The following B3GALNT1 variants were observed in gnomAD, a reference collection of about 807,000 sequenced individuals.
The protein encoded by B3GALNT1 is beta-1,3-N-acetylgalactosaminyltransferase 1 (Globoside blood group).
B3GALNT1 carries 17 observed loss-of-function variants against 27.3 expected under a neutral mutation model. The observed-to-expected ratio is 0.62, with a 90% CI of 0.43 to 0.94. B3GALNT1 has a LOEUF of 0.94. B3GALNT1 is among the 40% of genes least tolerant of loss of function. The pLI is 0.00. For synonymous variants in B3GALNT1, 141 were observed against 144.0 expected (o/e 0.98, Z 0.15); for missense variants, 347 against 390.0 (o/e 0.89, Z 0.93).
At chr3:161,093,958 G>C (rs1054786195) in intron 4 of B3GALNT1, among the ~76,000 whole-genome samples, 1 of 152,210 alleles carries the variant, frequency 6.6e-6, no homozygotes, top group Non-Finnish European at 1.5e-5. Context: ...AATGCTGGGT[G>C]AACAGCAAGC....
At chr3:161,096,104 C>A (rs1281270066) in intron 4 of B3GALNT1, among the ~76,000 whole-genome samples, 1 of 152,204 alleles carries the variant, frequency 6.6e-6, no homozygotes, top group Non-Finnish European at 1.5e-5. Flanking sequence ...TGCTATATGT[C>A]CAGTGTCTAA....
At chr3:161,102,179 T>C (rs1487154885) in intron 3 of B3GALNT1, among the ~76,000 whole-genome samples, 1 of 151,846 alleles carries the variant, frequency 6.6e-6, no homozygotes, top group Non-Finnish European at 1.5e-5. Context: ...AAACAAACTC[T>C]GGAAACAAAA....
intron 4 of B3GALNT1, among the ~76,000 whole-genome samples, chr3:161,092,757 A>ATTTT (rs1725875868): frequency 9.0e-6 from 1 of 111,438 alleles, no homozygotes; most frequent in African/African-American, 3.5e-5. Flanking sequence ...CAAAAGTTTC[A>ATTTT]TTTTTCTTTT....
chr3:161,084,949 C>A lies in B3GALNT1; in HGVS notation c.*810G>T, dbSNP rs1021862376. ...ACAAATTAAGTGACTTCTAAAAACA[C>A]TAGGAACTGTATTTTTTAAAAACAA... is the stretch of plus-strand genomic sequence containing the variant. On this transcript the variant is annotated 3_prime_UTR_variant, in exon 5 of 5. Coordinates refer to ENST00000320474, the MANE Select transcript of B3GALNT1 (RefSeq NM_003781.4). 1.3e-5 allele frequency: 2 copies of A among 152,122 alleles called. No homozygotes were observed. The highest frequency in any genetic ancestry group is 2.9e-5 in the Non-Finnish European group (2 of 68,006). The allele number at this position is 152,122 out of a possible 1,614,324, so 9.4% of individuals were successfully genotyped here.
rs774286151 is a variant in B3GALNT1 at position 161,086,105 on chromosome 3, C to G, written c.650G>C (p.Gly217Ala). 1.2e-6 allele frequency: 2 copies of G among 1,602,384 alleles called. No homozygotes were observed. The highest frequency in any genetic ancestry group is 1.7e-6 in the Non-Finnish European group (2 of 1,175,306). The change falls in exon 5 of 5, where the codon GGA (glycine) becomes GCA (alanine). Residue 217 changes from glycine (G) to alanine (A), a missense_variant. By Grantham distance (60) the Gly-to-Ala change is moderately conservative (BLOSUM62 0). Transcript: ENST00000320474. ...AGAAATATGGGTTTTTTGGTAAAAT[C>G]CTCTATAGGAATAATTATCAATTAG... ...YPLIDNYSYR[G>A]FYQKTHISYQ...
intron 4 of B3GALNT1, among the ~76,000 whole-genome samples, chr3:161,092,225 T>C (rs1725490746): frequency 6.6e-6 from 1 of 152,160 alleles, no homozygotes. Flanking sequence ...GTCCATAAGA[T>C]AATAAATAAA....
intron 3 of B3GALNT1, 109 bp from the exon 4 acceptor site, chr3:161,101,342 A>T (rs536646572): frequency 1.8e-6 from 1 of 561,734 alleles, no homozygotes; most frequent in Admixed American, 2.4e-5. Context: ...CACTGGAGGA[A>T]GAGTATCGGG....
At chr3:161,097,802 G>A (rs919812491) in intron 4 of B3GALNT1, among the ~76,000 whole-genome samples, 4 of 152,182 alleles carry the variant, frequency 2.6e-5, no homozygotes, top group African/African-American at 7.2e-5. Flanking sequence ...GCTGTAGTGC[G>A]TGTGATATTC....
At chr3:161,104,914 G>C (rs1733507272) in intron 1 of B3GALNT1, 1 of 152,336 alleles carries the variant, frequency 6.6e-6, no homozygotes, top group Admixed American at 6.5e-5. Context: ...AGGCAAGGTG[G>C]ACAACCAGCG....
intron 4 of B3GALNT1, among the ~76,000 whole-genome samples, chr3:161,095,774 G>A (rs1165059069): frequency 1.3e-5 from 2 of 152,256 alleles, no homozygotes; most frequent in African/African-American, 4.8e-5. Flanking sequence ...GAAGCAAACA[G>A]CCAAGATAAA....
At chr3:161,091,973 TACTTTTTAGTTGCAAGA>T (rs1725350537) in intron 4 of B3GALNT1, among the ~76,000 whole-genome samples, 1 of 152,258 alleles carries the variant, frequency 6.6e-6, no homozygotes, top group African/African-American at 2.4e-5. Flanking sequence ...CCACGAAGAT[TACTTTTTAGTTGCAAGA>T]ACTGAAAAAA....
chr3:161,095,912 G>A (rs1274997529), intron 4 of B3GALNT1, among the ~76,000 whole-genome samples: 1 of 152,136 alleles, frequency 6.6e-6, no homozygotes, highest in Non-Finnish European at 1.5e-5. Flanking sequence ...CACTCCCCTC[G>A]GACCTCAACT....
intron 4 of B3GALNT1, among the ~76,000 whole-genome samples, chr3:161,091,704 T>A (rs762722227): frequency 6.6e-6 from 1 of 152,196 alleles, no homozygotes; most frequent in Non-Finnish European, 1.5e-5. Flanking sequence ...CTCAAAGTGC[T>A]TCCTTTAAGT....
chr3:161,099,463 A>C (rs1730001595), intron 4 of B3GALNT1, among the ~76,000 whole-genome samples: 1 of 152,212 alleles, frequency 6.6e-6, no homozygotes, highest in Non-Finnish European at 1.5e-5. Context: ...ACAGCAGCCT[A>C]AACAGACCTT....
chr3:161,086,510 A>T lies in B3GALNT1; in HGVS notation c.245T>A (p.Ile82Asn). ...NCSHQNPFLV[I>N]LVTSHPSDVK... ...ATCTGAAGGGTGGGAGGTCACCAGAATGACCAGAAATGGATTTTGATGAGA... is the reference window on the plus strand; with the variant it reads ...ATCTGAAGGGTGGGAGGTCACCAGATTGACCAGAAATGGATTTTGATGAGA... The change falls in exon 5 of 5, where the codon ATT (isoleucine) becomes AAT (asparagine). Residue 82 changes from isoleucine to asparagine, a missense_variant. Ile to Asn is a moderately radical substitution (Grantham distance 149). Transcript: ENST00000320474. 6.2e-7 allele frequency: 1 copy of T among 1,614,206 alleles called. No individual in the cohort carries two copies. The highest frequency in any genetic ancestry group is 1.3e-5 in the African/African-American group (1 of 75,058).
At position 161,086,603 on chromosome 3, in the gene B3GALNT1, T is replaced by C; in HGVS notation, c.152A>G (p.Tyr51Cys). 6.2e-7 allele frequency: 1 copy of C among 1,614,154 alleles called. No individual in the cohort carries two copies. Among genetic ancestry groups the C allele is most frequent in the Non-Finnish European group, 8.5e-7 (1 of 1,180,032 alleles). ...GTAAATCGGCTCATACTCATAGAAG[T>C]ACATCCAGTTCACGCGTTCTATCAC... Reference protein sequence around the residue: ...YNVIERVNWMYFYEYEPIYRQ... With the variant: ...YNVIERVNWMCFYEYEPIYRQ... Residue 51 changes from tyrosine to cysteine, a missense_variant, in exon 5 of 5, where the codon TAC becomes TGC. Tyr to Cys is a radical substitution (Grantham distance 194, BLOSUM62 -2). Coordinates refer to ENST00000320474, the MANE Select transcript of B3GALNT1 (RefSeq NM_003781.4).
chr3:161,102,662 T>C (rs75252311), intron 3 of B3GALNT1, among the ~76,000 whole-genome samples: 1 of 152,212 alleles, frequency 6.6e-6, no homozygotes, highest in African/African-American at 2.4e-5. Flanking sequence ...GTATCTGTTG[T>C]GCAAGGTCAT....
chr3:161,089,401 A>C (rs1235217339), intron 4 of B3GALNT1, among the ~76,000 whole-genome samples: 1 of 152,204 alleles, frequency 6.6e-6, no homozygotes, highest in Non-Finnish European at 1.5e-5. Context: ...AATGTAACTA[A>C]AATACTAGGT....
At chr3:161,096,873 T>G (rs184680516) in intron 4 of B3GALNT1, among the ~76,000 whole-genome samples, 1 of 152,022 alleles carries the variant, frequency 6.6e-6, no homozygotes, top group African/African-American at 2.4e-5. Context: ...CCAAGCGGGA[T>G]CCCAGGCCAA....
Sources: allele counts gnomAD v4.1 joint callset (sites outside exome capture counted in the v4.1 genomes callset), GRCh38; gene constraint gnomAD v4.1.1; transcripts MANE v1.5; gene names NCBI Gene and HGNC (gene_info 2026-07-23, HGNC 2026-07-21).